Variants in CNTN5 observed in about 807,000 individuals in gnomAD.
The protein encoded by CNTN5 is contactin 5.
Under a neutral mutation model 129.1 loss-of-function variants are expected in CNTN5, and 77 were observed. The observed-to-expected ratio is 0.60, with a 90% confidence interval of 0.50 to 0.72. The LOEUF (loss-of-function observed/expected upper bound fraction) is 0.72. Ranked by LOEUF, CNTN5 falls within the 30% of genes least tolerant of loss-of-function variation. CNTN5 has a pLI of 0.00. For missense variants in CNTN5, 1,478 were observed against 1,328.8 expected, an observed-to-expected ratio of 1.11 and a Z score of -1.75; for synonymous variants, 509 against 465.6, an observed-to-expected ratio of 1.09 and a Z score of -1.20.
At chr11:99,657,562 A>C (rs1462543013) in intron 3 of CNTN5, among the ~76,000 whole-genome samples, 1 of 152,164 alleles carries the variant, frequency 6.6e-6, no homozygotes, top group Non-Finnish European at 1.5e-5. Context: ...TATTTAAAAA[A>C]ATATTTTAAA....
At chr11:99,501,093 A>G (rs1946412144) in intron 2 of CNTN5, among the ~76,000 whole-genome samples, 1 of 152,158 alleles carries the variant, frequency 6.6e-6, no homozygotes. Context: ...TTCTATTTGT[A>G]AGAGAGAATG....
At chr11:100,114,736 A>G (rs746188570) in intron 13 of CNTN5, among the ~76,000 whole-genome samples, 22 of 152,024 alleles carry the variant, frequency 1.4e-4, no homozygotes, top group Non-Finnish European at 2.2e-4. Flanking sequence ...CCATTCAACA[A>G]ATCTCGCTCA....
At chr11:99,449,550 A>G (rs1043752153) in intron 2 of CNTN5, among the ~76,000 whole-genome samples, 7 of 152,362 alleles carry the variant, frequency 4.6e-5, no homozygotes, top group Admixed American at 2.0e-4. Context: ...ATAAGAAACC[A>G]TCTCACCTTA....
intron 1 of CNTN5, among the ~76,000 whole-genome samples, chr11:99,221,517 A>C (rs568903241): frequency 1.3e-5 from 2 of 152,038 alleles, no homozygotes; most frequent in African/African-American, 4.8e-5. Flanking sequence ...TGTCACATGA[A>C]TTCATACAAG....
chr11:99,691,604 G>T (rs937819814), intron 3 of CNTN5, among the ~76,000 whole-genome samples: 4 of 152,086 alleles, frequency 2.6e-5, no homozygotes, highest in African/African-American at 4.8e-5. Flanking sequence ...TTGCACTGTG[G>T]TCTAAGCAAC....
chr11:99,574,126 A>G (rs1469128318), intron 3 of CNTN5, among the ~76,000 whole-genome samples: 1 of 151,594 alleles, frequency 6.6e-6, no homozygotes, highest in African/African-American at 2.4e-5. Context: ...TCATTGTTCA[A>G]CTCTCACTTA....
intron 2 of CNTN5, among the ~76,000 whole-genome samples, chr11:99,355,438 A>T (rs972864193): frequency 3.9e-5 from 6 of 152,294 alleles, no homozygotes; most frequent in African/African-American, 7.2e-5. Flanking sequence ...CAAAACAAGG[A>T]TAACTTTAAT....
At chr11:100,040,187 A>G (rs930374078) in intron 9 of CNTN5, among the ~76,000 whole-genome samples, 1 of 152,144 alleles carries the variant, frequency 6.6e-6, no homozygotes. Flanking sequence ...TCCTTCTAAC[A>G]GACAGGACCT....
chr11:99,560,056 G>A (rs760756320), intron 3 of CNTN5, among the ~76,000 whole-genome samples: 3 of 152,082 alleles, frequency 2.0e-5, no homozygotes, highest in Non-Finnish European at 4.4e-5. Context: ...GGAGAAGGTT[G>A]AATGGGTAAA....
At chr11:99,711,790 G>T (rs1311658291) in intron 3 of CNTN5, among the ~76,000 whole-genome samples, 2 of 151,906 alleles carry the variant, frequency 1.3e-5, no homozygotes, top group African/African-American at 4.8e-5. Flanking sequence ...CTTTTTCCAT[G>T]TCCCTGCAAA....
chr11:99,475,942 G>A (rs1591125916), intron 2 of CNTN5, among the ~76,000 whole-genome samples: 1 of 151,768 alleles, frequency 6.6e-6, no homozygotes, highest in East Asian at 1.9e-4. Flanking sequence ...CCTTCACGTG[G>A]AACTTTATTC....
intron 3 of CNTN5, among the ~76,000 whole-genome samples, chr11:99,612,136 A>G (rs1316401658): frequency 1.3e-5 from 2 of 152,334 alleles, no homozygotes; most frequent in South Asian, 2.1e-4. Context: ...GAGGTACATC[A>G]TATTATTTAG....
chr11:99,124,401 T>C (rs2135416142), intron 1 of CNTN5, among the ~76,000 whole-genome samples: 1 of 152,214 alleles, frequency 6.6e-6, no homozygotes. Context: ...TTTGCTAAAG[T>C]TGTTGGTAAT....
At chr11:100,349,320 T>G (rs1952353973) in intron 23 of CNTN5, among the ~76,000 whole-genome samples, 1 of 151,900 alleles carries the variant, frequency 6.6e-6, no homozygotes, top group Non-Finnish European at 1.5e-5. Context: ...ATGTCAATAA[T>G]TATCTAATTT....
At chr11:100,124,640 C>T (rs1211201188) in intron 13 of CNTN5, among the ~76,000 whole-genome samples, 1 of 152,010 alleles carries the variant, frequency 6.6e-6, no homozygotes, top group Non-Finnish European at 1.5e-5. Context: ...TTAGTATAAA[C>T]ACAACAGTAG....
At chr11:100,323,266 G>A (rs1035876441) in intron 21 of CNTN5, among the ~76,000 whole-genome samples, 1 of 152,210 alleles carries the variant, frequency 6.6e-6, no homozygotes, top group East Asian at 1.9e-4. Context: ...TTTATACTCA[G>A]ATTGTGGCTC....
At chr11:99,463,098 A>G (rs1032247670) in intron 2 of CNTN5, among the ~76,000 whole-genome samples, 3 of 145,710 alleles carry the variant, frequency 2.1e-5, no homozygotes, top group Non-Finnish European at 4.5e-5. Flanking sequence ...AGAGAGCAAG[A>G]CTCCATCTCA....
intron 1 of CNTN5, among the ~76,000 whole-genome samples, chr11:99,057,927 A>C (rs1421806746): frequency 1.3e-5 from 2 of 151,906 alleles, no homozygotes; most frequent in East Asian, 1.9e-4. Context: ...ATTTAAACAG[A>C]CAGTGAGGGA....
intron 1 of CNTN5, among the ~76,000 whole-genome samples, chr11:99,096,625 T>C (rs1177669499): frequency 6.6e-6 from 1 of 151,856 alleles, no homozygotes; most frequent in East Asian, 1.9e-4. Flanking sequence ...TTTCCAAGGT[T>C]TCAAGTCTGA....
Sources: gnomAD v4.1 joint callset for allele counts (sites outside exome capture counted in the v4.1 genomes callset) on GRCh38, gnomAD v4.1.1 for gene constraint, MANE v1.5 for transcripts, NCBI Gene and HGNC (gene_info 2026-07-23, HGNC 2026-07-21) for gene names.